The following ABCB1 variants were observed in gnomAD, a reference collection of about 807,000 sequenced individuals.
ABCB1 encodes the protein ATP binding cassette subfamily B member 1.
Under a neutral mutation model 142.0 loss-of-function variants are expected in ABCB1, and 69 were observed. The ratio of observed to expected loss-of-function variants is 0.49; its 90% CI spans 0.40 to 0.59. The LOEUF is 0.59. Among genes scored for constraint, ABCB1 ranks in the 20% least tolerant of loss-of-function variants. ABCB1 has a pLI of 0.00. For missense variants in ABCB1, 1,326 were observed against 1,554.7 expected (o/e 0.85, Z 2.47); for synonymous variants, 532 against 539.2 (o/e 0.99, Z 0.18).
In ABCB1 at chr7:87,570,063, A is replaced by T; in HGVS notation, c.338+109T>A. On this transcript the variant is annotated intron_variant, in intron 5 of 27. Coordinates refer to ENST00000622132, the MANE Select transcript of ABCB1 (RefSeq NM_001348946.2). ...ATATACTCTTCTAAAAACTATCAAG[A>T]GTATTGTTCTCCTTAAAATTTCTGT... 3 of 952,842 alleles carry T rather than the reference A, an allele frequency of 3.1e-6. No individual in the cohort carries two copies. The East Asian group carries it at 7.3e-5, about 23-fold the overall frequency. The allele number at this position is 952,842 out of a possible 1,614,324, so 59.0% of individuals were successfully genotyped here. A position where few individuals can be genotyped will look rare whatever the true frequency, so the allele number is the denominator to read the frequency against.
chr7:87,609,167 C>A (rs1819762782), intron 1 of ABCB1, among the ~76,000 whole-genome samples: 1 of 151,838 alleles, frequency 6.6e-6, no homozygotes, highest in Admixed American at 6.6e-5. Context: ...AGTGGAAGTA[C>A]CAGGTGGGCA....
intron 1 of ABCB1, among the ~76,000 whole-genome samples, chr7:87,684,456 T>G (rs1184515212): frequency 6.6e-6 from 1 of 152,132 alleles, no homozygotes; most frequent in Non-Finnish European, 1.5e-5. Context: ...AATCAGTGTG[T>G]TATTGGTAAA....
intron 1 of ABCB1, among the ~76,000 whole-genome samples, chr7:87,701,137 A>G (rs573742571): frequency 6.6e-5 from 10 of 152,254 alleles, no homozygotes; most frequent in African/African-American, 2.4e-4. Context: ...TGCTTCAAGA[A>G]AAACACTTGT....
intron 3 of ABCB1, among the ~76,000 whole-genome samples, chr7:87,590,890 G>A (rs1818974998): frequency 6.6e-6 from 1 of 152,124 alleles, no homozygotes; most frequent in South Asian, 2.1e-4. Context: ...AAAGGAAGGA[G>A]GGATACTAGG....
At chr7:87,588,126 G>T (rs1486903611) in intron 3 of ABCB1, among the ~76,000 whole-genome samples, 2 of 151,072 alleles carry the variant, frequency 1.3e-5, no homozygotes, top group African/African-American at 2.4e-5. Flanking sequence ...ACAGAAAATT[G>T]AAAGAGTTCA....
intron 1 of ABCB1, among the ~76,000 whole-genome samples, chr7:87,703,907 T>TTTTG: frequency 9.2e-6 from 1 of 108,172 alleles, no homozygotes; most frequent in African/African-American, 3.7e-5. Flanking sequence ...TTTTTTTTTT[T>TTTTG]TTTTTGGTTT....
At chr7:87,650,847 C>T (rs143969988) in intron 1 of ABCB1, 17 of 1,609,242 alleles carry the variant, frequency 1.1e-5, no homozygotes, top group Non-Finnish European at 1.4e-5. Flanking sequence ...CCTGATTGAT[C>T]GGTCTTGCTT....
intron 1 of ABCB1, among the ~76,000 whole-genome samples, chr7:87,712,439 A>C (rs1830172731): frequency 6.6e-6 from 1 of 152,236 alleles, no homozygotes; most frequent in Admixed American, 6.5e-5. Context: ...AAATCTAAAA[A>C]TCCTACATTA....
intron 1 of ABCB1, among the ~76,000 whole-genome samples, chr7:87,673,429 T>G (rs1264069739): frequency 6.6e-6 from 1 of 152,250 alleles, no homozygotes; most frequent in Non-Finnish European, 1.5e-5. Context: ...TTTATTCTTT[T>G]TTCTTTTTCT....
rs866765886 is a variant in ABCB1, at chr7:87,503,129, A to G, written c.*1114T>C. Among the ~76,000 whole-genome samples the G allele has an allele frequency of 7.2e-5, 11 of 151,884 alleles. No homozygotes were observed. Among genetic ancestry groups the G allele is most frequent in the Middle Eastern group, 3.4e-3 (1 of 294 alleles). On this transcript the variant is annotated 3_prime_UTR_variant, in exon 28 of 28. Coordinates refer to ENST00000622132, the MANE Select transcript of ABCB1 (RefSeq NM_001348946.2). ...GAAACTGTATACATTTTTCTCATGC[A>G]TTTCTTCTTTGAGAATTACCTGATT...
At chr7:87,522,714 T>TA (rs1264897558) in intron 21 of ABCB1, among the ~76,000 whole-genome samples, 1 of 152,178 alleles carries the variant, frequency 6.6e-6, no homozygotes, top group East Asian at 1.9e-4. Flanking sequence ...TTGTTAAATG[T>TA]AATAGTCTGA....
rs562224502 is a variant in ABCB1, at chr7:87,660,697, G to A, written c.-331+52464C>T. Among the ~76,000 whole-genome samples the A allele has an allele frequency of 1.6e-4, 25 of 151,726 alleles. 1 individual carries two copies. Among genetic ancestry groups the A allele is most frequent in the Non-Finnish European group, 3.2e-4 (22 of 67,832 alleles). On this transcript the variant is annotated intron_variant, in intron 1 of 28. Transcript: ENST00000265724. ...CTATTATGTTTATGTTGGACTCTTAGCAGATTAATTTTCAAATTTTTCTCC... is the reference window on the plus strand; with the variant it reads ...CTATTATGTTTATGTTGGACTCTTAACAGATTAATTTTCAAATTTTTCTCC...
chr7:87,513,421 A>G (rs2117078547), intron 25 of ABCB1, among the ~76,000 whole-genome samples: 1 of 152,218 alleles, frequency 6.6e-6, no homozygotes, highest in Non-Finnish European at 1.5e-5. Context: ...ATCATTAATT[A>G]TTCCTTATTG....
intron 7 of ABCB1, chr7:87,564,014 A>AG (rs1303636943): frequency 3.3e-6 from 1 of 303,494 alleles, no homozygotes; most frequent in East Asian, 1.0e-4. Context: ...GGCCTATTAG[A>AG]GGGTGGAGAG....
intron 1 of ABCB1, among the ~76,000 whole-genome samples, chr7:87,608,533 C>A (rs1819739818): frequency 6.6e-6 from 1 of 152,200 alleles, no homozygotes; most frequent in Admixed American, 6.5e-5. Context: ...CCTATTTCCT[C>A]ATTCTCTTAA....
At chr7:87,506,480 G>A (rs1286867758) in intron 26 of ABCB1, among the ~76,000 whole-genome samples, 1 of 152,130 alleles carries the variant, frequency 6.6e-6, no homozygotes, top group African/African-American at 2.4e-5. Flanking sequence ...AGACATTCTT[G>A]GGATATCAGC....
intron 24 of ABCB1, 119 bp downstream of exon 24, chr7:87,516,390 C>G: frequency 3.1e-6 from 4 of 1,294,372 alleles, no homozygotes; most frequent in African/African-American, 2.9e-5. Flanking sequence ...AATCTATGAT[C>G]TAGGAAGTTT....
At chr7:87,706,045 T>C (rs1214338109) in intron 1 of ABCB1, among the ~76,000 whole-genome samples, 1 of 152,204 alleles carries the variant, frequency 6.6e-6, no homozygotes, top group African/African-American at 2.4e-5. Flanking sequence ...CAGTTCTTGT[T>C]TTTAGCTAGA....
chr7:87,672,632 A>T (rs114505607), intron 1 of ABCB1, among the ~76,000 whole-genome samples: 128 of 152,308 alleles, frequency 8.4e-4, no homozygotes, highest in African/African-American at 3.0e-3. Flanking sequence ...GTTTCCATGC[A>T]TGTCTGAGCA....
Sources: allele counts gnomAD v4.1 joint callset (sites outside exome capture counted in the v4.1 genomes callset), GRCh38; gene constraint gnomAD v4.1.1; transcripts MANE v1.5; gene names NCBI Gene and HGNC (gene_info 2026-07-23, HGNC 2026-07-21).